Variants in PMM2 observed in about 807,000 individuals in gnomAD.
The protein encoded by PMM2 is mannose-6-phosphate isomerase.
Under a neutral mutation model 33.2 loss-of-function variants are expected in PMM2, and 35 were observed. The observed-to-expected ratio is 1.06, with a 90% CI of 0.81 to 1.40. The LOEUF (loss-of-function observed/expected upper bound fraction) is 1.40, where lower values mean the gene tolerates loss of function less well. Ranked by LOEUF, PMM2 falls within the 40% of genes most tolerant of loss-of-function variation. The probability of loss-of-function intolerance (pLI) is 0.00; values close to 1 mark genes in which losing one functional copy is unlikely to be tolerated. For missense variants in PMM2, 386 were observed against 306.0 expected, an observed-to-expected ratio of 1.26 and a Z score of -1.95; for synonymous variants, 153 against 114.7, an observed-to-expected ratio of 1.33 and a Z score of -2.13.
chr16:8,844,432 C>G (rs1377120947), intron 7 of PMM2, among the ~76,000 whole-genome samples: 2 of 151,990 alleles, frequency 1.3e-5, no homozygotes. Context: ...GGGTACTTGC[C>G]TCTCCCCCAG....
intron 7 of PMM2, among the ~76,000 whole-genome samples, chr16:8,826,797 G>T (rs913009188): frequency 8.6e-5 from 13 of 151,664 alleles, no homozygotes; most frequent in East Asian, 3.9e-4. Context: ...TTTTTTAGGG[G>T]TTTTTTTTCC....
At position 8,804,757 on chromosome 16, in the gene PMM2, T is replaced by G. The variant is rs768776331; in HGVS notation, c.179-10T>G. 6.2e-6 allele frequency: 10 copies of G among 1,605,706 alleles called. No homozygotes were observed. The South Asian group carries it at 9.9e-5, about 16-fold the overall frequency. On this transcript the variant is annotated splice_polypyrimidine_tract_variant and intron_variant, in intron 2 of 7. Transcript: ENST00000268261. ...TTGCATTCTAAGTGTTTTTTTGGTT[T>G]TGATTGTAGTGGTTGAAAAATACGA...
chr16:8,839,574 C>T (rs1179075269), intron 7 of PMM2, among the ~76,000 whole-genome samples: 12 of 152,050 alleles, frequency 7.9e-5, no homozygotes, highest in Non-Finnish European at 5.9e-5. Flanking sequence ...GTCTGATGAG[C>T]AAGGGGAAAG....
chr16:8,843,686 C>G (rs1221554094), intron 7 of PMM2, among the ~76,000 whole-genome samples: 1 of 152,132 alleles, frequency 6.6e-6, no homozygotes, highest in African/African-American at 2.4e-5. Context: ...TTATTGTACA[C>G]CTTGAAGGTG....
intron 7 of PMM2, among the ~76,000 whole-genome samples, chr16:8,846,581 G>A (rs1034569996): frequency 3.9e-5 from 6 of 152,114 alleles, no homozygotes; most frequent in African/African-American, 1.4e-4. Flanking sequence ...ACTCAACTCA[G>A]GCACAGGACC....
Position 8,813,041 on chromosome 16 carries a change from T to A in PMM2, c.574T>A (p.Cys192Ser), listed in dbSNP as rs1392999374. ...TCCTGATGGATGGGACAAGAGATAC[T>A]GTCTGCGACATGTGGAAAATGACGG... ...VFPDGWDKRY[C>S]LRHVENDGYK... The change falls in exon 7 of 8, where the codon TGT becomes AGT. Residue 192 changes from cysteine (C) to serine (S), a missense_variant. Transcript: ENST00000268261. 6.2e-7 allele frequency: 1 copy of A among 1,613,902 alleles called. No individual in the cohort carries two copies. Among genetic ancestry groups the A allele is most frequent in the Admixed American group, 1.7e-5 (1 of 60,030 alleles).
chr16:8,831,674 T>A (rs559062549), intron 7 of PMM2, among the ~76,000 whole-genome samples: 1 of 152,272 alleles, frequency 6.6e-6, no homozygotes, highest in African/African-American at 2.4e-5. Context: ...TCTCTTTGGA[T>A]GATTGGGGTT....
intron 7 of PMM2, among the ~76,000 whole-genome samples, chr16:8,844,410 G>A (rs2060910588): frequency 6.6e-6 from 1 of 152,122 alleles, no homozygotes; most frequent in Non-Finnish European, 1.5e-5. Context: ...GGGGCACAGA[G>A]ATACGAGTTT....
chr16:8,833,001 G>A (rs72766373), intron 7 of PMM2: 109,348 of 553,664 alleles, frequency 0.2, 8,685 homozygotes, highest in East Asian at 0.27. Context: ...GGTTTGCGCC[G>A]TATCCCCAGC....
At chr16:8,820,300 CAGTG>C (rs1180051145) in intron 7 of PMM2, among the ~76,000 whole-genome samples, 1 of 151,172 alleles carries the variant, frequency 6.6e-6, no homozygotes, top group Middle Eastern at 3.6e-3. Flanking sequence ...GACCTTGTGA[CAGTG>C]AGGACAGTGA....
chr16:8,805,693 A>G (rs1175527968), intron 3 of PMM2, among the ~76,000 whole-genome samples: 3 of 151,852 alleles, frequency 2.0e-5, no homozygotes. Flanking sequence ...CCTGGGTTCA[A>G]ATGATTCTTG....
chr16:8,834,402 T>C (rs201502420), intron 7 of PMM2, among the ~76,000 whole-genome samples: 21,037 of 146,082 alleles, frequency 0.14, 14 homozygotes, highest in East Asian at 0.21. Context: ...TGAGGAATTA[T>C]GTCTGACAGA....
At chr16:8,823,726 A>AT (rs2060750846) in intron 7 of PMM2, among the ~76,000 whole-genome samples, 1 of 151,766 alleles carries the variant, frequency 6.6e-6, no homozygotes, top group African/African-American at 2.4e-5. Context: ...GTTGGGTGAA[A>AT]TTTTTTCTTC....
intron 7 of PMM2, among the ~76,000 whole-genome samples, chr16:8,845,693 C>T (rs1194031878): frequency 6.6e-6 from 1 of 151,934 alleles, no homozygotes; most frequent in Non-Finnish European, 1.5e-5. Context: ...ATTCTCCTGC[C>T]AAGCAGCTGG....
chr16:8,843,345 G>A (rs1225917717), intron 7 of PMM2, among the ~76,000 whole-genome samples: 1 of 152,158 alleles, frequency 6.6e-6, no homozygotes, highest in Non-Finnish European at 1.5e-5. Flanking sequence ...CGATTGGGCA[G>A]CGTCAATCTT....
At chr16:8,798,716 C>T (rs908259872) in intron 1 of PMM2, among the ~76,000 whole-genome samples, 2 of 152,120 alleles carry the variant, frequency 1.3e-5, no homozygotes, top group Non-Finnish European at 2.9e-5. Flanking sequence ...GTTTCAGTTA[C>T]GATCAGCCTT....
chr16:8,827,719 C>CATATATAT (rs60052078), intron 7 of PMM2, among the ~76,000 whole-genome samples: 59 of 66,856 alleles, frequency 8.8e-4, no homozygotes, highest in African/African-American at 1.7e-3. Flanking sequence ...TAAATGTGTG[C>CATATATAT]ATATATATAT....
intron 7 of PMM2, chr16:8,832,283 G>T: frequency 1.0e-6 from 1 of 985,452 alleles, no homozygotes; most frequent in Non-Finnish European, 1.2e-6. Context: ...TGCGAGCCGT[G>T]CGGCTCTCTG....
intron 7 of PMM2, among the ~76,000 whole-genome samples, chr16:8,814,895 C>G (rs2060697782): frequency 6.6e-6 from 1 of 152,150 alleles, no homozygotes; most frequent in South Asian, 2.1e-4. Flanking sequence ...GTATTGTTAA[C>G]TATAGGCACT....
Sources: gnomAD v4.1 joint callset for allele counts (sites outside exome capture counted in the v4.1 genomes callset) on GRCh38, gnomAD v4.1.1 for gene constraint, MANE v1.5 for transcripts, NCBI Gene and HGNC (gene_info 2026-07-23, HGNC 2026-07-21) for gene names.